TMEM163: variants seen among roughly 807,000 people sequenced by gnomAD.
TMEM163 encodes the protein transmembrane protein 163.
TMEM163 carries 17 observed loss-of-function variants against 29.3 expected under a neutral mutation model. The observed-to-expected ratio is 0.58, with a 90% CI of 0.40 to 0.87. TMEM163 has a LOEUF of 0.87. Among genes scored for constraint, TMEM163 ranks in the 40% least tolerant of loss-of-function variants. The probability of loss-of-function intolerance (pLI) is 0.00; values close to 1 mark genes in which losing one functional copy is unlikely to be tolerated. For synonymous variants in TMEM163, 157 were observed against 160.6 expected (o/e 0.98, Z 0.17); for missense variants, 303 against 381.5 (o/e 0.79, Z 1.71).
intron 2 of TMEM163, among the ~76,000 whole-genome samples, chr2:134,575,085 T>C (rs1261328069): frequency 1.3e-5 from 2 of 151,986 alleles, no homozygotes; most frequent in African/African-American, 2.4e-5. Flanking sequence ...GTCCTGAGCA[T>C]GCAAAATGGG....
intron 4 of TMEM163, among the ~76,000 whole-genome samples, chr2:134,548,565 G>T (rs886727912): frequency 6.6e-6 from 1 of 152,196 alleles, no homozygotes; most frequent in African/African-American, 2.4e-5. Context: ...CTTGGGTTGG[G>T]TGCATTAGTT....
chr2:134,677,757 T>G (rs1684147199), intron 2 of TMEM163, among the ~76,000 whole-genome samples: 1 of 152,224 alleles, frequency 6.6e-6, no homozygotes, highest in East Asian at 1.9e-4. Context: ...GATGTGTTAC[T>G]TCTATAATAT....
chr2:134,598,932 A>AAAAG (rs1230212027), intron 2 of TMEM163, among the ~76,000 whole-genome samples: 3 of 145,730 alleles, frequency 2.1e-5, no homozygotes, highest in Non-Finnish European at 4.5e-5. Context: ...AAAAAAAAAA[A>AAAAG]AAAGAAAGAA....
chr2:134,462,192 G>A (rs1249962588), intron 6 of TMEM163, among the ~76,000 whole-genome samples: 1 of 151,776 alleles, frequency 6.6e-6, no homozygotes, highest in Non-Finnish European at 1.5e-5. Flanking sequence ...CCACTCAGCC[G>A]ATTCATCCCC....
chr2:134,552,112 A>T, intron 2 of TMEM163, 21 bp from the exon 3 acceptor site: 1 of 1,593,306 alleles, frequency 6.3e-7, no homozygotes, highest in Non-Finnish European at 8.6e-7. Flanking sequence ...AGAAAATATT[A>T]TTCAGAATAT....
chr2:134,674,489 G>A (rs1353118476), intron 2 of TMEM163, among the ~76,000 whole-genome samples: 3 of 60,216 alleles, frequency 5.0e-5, no homozygotes, highest in Admixed American at 2.8e-4. Flanking sequence ...GACTACAGGC[G>A]CGCGCGCGCG....
intron 2 of TMEM163, among the ~76,000 whole-genome samples, chr2:134,663,562 C>G (rs1683803728): frequency 6.6e-6 from 1 of 152,242 alleles, no homozygotes; most frequent in Non-Finnish European, 1.5e-5. Context: ...CCACAGGTCC[C>G]TTTCTGCAGT....
intron 2 of TMEM163, among the ~76,000 whole-genome samples, chr2:134,578,412 T>G (rs775337531): frequency 9.9e-5 from 15 of 152,198 alleles, no homozygotes; most frequent in Non-Finnish European, 1.9e-4. Context: ...CTCGCCTTTC[T>G]AGAACCAGAA....
At chr2:134,456,893 T>C (rs1481060635) in intron 7 of TMEM163, 117 bp from the exon 8 acceptor site, 1 of 1,060,904 alleles carries the variant, frequency 9.4e-7, no homozygotes, top group South Asian at 1.4e-5. Flanking sequence ...ATTCACCCTA[T>C]GTGGCTCGGT....
chr2:134,502,933 G>T lies in TMEM163; in HGVS notation c.523C>A (p.His175Asn). The change falls in exon 5 of 8, where the codon CAT (histidine) becomes AAT (asparagine). Residue 175 changes from histidine to asparagine, a missense_variant. This residue lies in a region of TMEM163 where 203 missense variants were observed against 294.3 expected (regional missense o/e 0.69). Transcript: ENST00000281924. ...GGGAGCAGCCTAGTTGAGAGGTCAT[G>T]GATGGCTTTGACCACTATACATATG... ...SSICIVVKAI[H>N]DLSTRLLPEV... 6.2e-7 allele frequency: 1 copy of T among 1,614,044 alleles called. No individual in the cohort carries two copies. The highest frequency in any genetic ancestry group is 2.2e-5 in the East Asian group (1 of 44,860).
At chr2:134,578,509 G>A (rs114801885) in intron 2 of TMEM163, among the ~76,000 whole-genome samples, 219 of 152,294 alleles carry the variant, frequency 1.4e-3, no homozygotes, top group African/African-American at 4.7e-3. Context: ...CGTGGTTAGC[G>A]TCTGTATGTG....
rs1686506365 is a variant in TMEM163, at chr2:134,460,296, C to A, written c.668-2123G>T. 6.6e-6 allele frequency among the ~76,000 whole-genome samples: 1 copy of A among 152,062 alleles called. No individual in the cohort carries two copies. The highest frequency in any genetic ancestry group is 6.5e-5 in the Admixed American group (1 of 15,282). Reference sequence around the variant, plus strand: ...AGCCATCCTGCCCTCCCCTCAGGGCCACTGGGCTTGTCACCATCACCCAGG... The same window carrying A: ...AGCCATCCTGCCCTCCCCTCAGGGCAACTGGGCTTGTCACCATCACCCAGG... On this transcript the variant is annotated intron_variant, in intron 6 of 7. Transcript: ENST00000281924. The surrounding 1 kb of genome is among the most constrained non-coding windows in gnomAD (Gnocchi z 4.3).
intron 2 of TMEM163, among the ~76,000 whole-genome samples, chr2:134,576,688 C>G (rs1414577840): frequency 6.6e-6 from 1 of 152,164 alleles, no homozygotes; most frequent in African/African-American, 2.4e-5. Flanking sequence ...AGGGGTCATA[C>G]CTTTCTTAAA....
At chr2:134,713,455 G>A (rs1440312584) in intron 1 of TMEM163, 136 bp from the exon 2 acceptor site, 13 of 1,250,578 alleles carry the variant, frequency 1.0e-5, no homozygotes, top group African/African-American at 1.5e-5. Context: ...CCCACACTGT[G>A]TTTTAACAAT....
chr2:134,514,298 G>A (rs1392846461), intron 4 of TMEM163, among the ~76,000 whole-genome samples: 9 of 151,362 alleles, frequency 5.9e-5, no homozygotes, highest in Admixed American at 4.6e-4. Flanking sequence ...TAGAGTCAAA[G>A]TCGGGGGTGT....
chr2:134,564,012 C>T (rs911953823), intron 2 of TMEM163, among the ~76,000 whole-genome samples: 15 of 152,166 alleles, frequency 9.9e-5, no homozygotes, highest in Admixed American at 5.2e-4. Context: ...GATCATGCCA[C>T]TACACTCCAG....
At chr2:134,610,271 C>A (rs1385558409) in intron 2 of TMEM163, among the ~76,000 whole-genome samples, 1 of 152,200 alleles carries the variant, frequency 6.6e-6, no homozygotes, top group Non-Finnish European at 1.5e-5. Context: ...CTCTCAGAGC[C>A]ACTGTGGCCG....
intron 2 of TMEM163, among the ~76,000 whole-genome samples, chr2:134,624,456 T>C (rs1397342816): frequency 3.9e-5 from 6 of 152,054 alleles, no homozygotes; most frequent in Non-Finnish European, 8.8e-5. Context: ...CTGGGATCTA[T>C]GGAGGGTGGG....
chr2:134,543,279 C>A (rs1290419177), intron 4 of TMEM163, among the ~76,000 whole-genome samples: 1 of 152,176 alleles, frequency 6.6e-6, no homozygotes, highest in African/African-American at 2.4e-5. Flanking sequence ...TAAATTCACA[C>A]TACTCAAAGC....
Sources: allele counts gnomAD v4.1 joint callset (sites outside exome capture counted in the v4.1 genomes callset), GRCh38; gene constraint gnomAD v4.1.1; regional missense constraint gnomAD v4.1.1; non-coding constraint Gnocchi (gnomAD v3.1); transcripts MANE v1.5; gene names NCBI Gene and HGNC (gene_info 2026-07-23, HGNC 2026-07-21).